SATB2: variants seen among roughly 807,000 people sequenced by gnomAD.
SATB2 encodes the protein SATB homeobox 2, also known as DNA-binding protein SATB2.
A neutral mutation model predicts 73.4 loss-of-function variants in SATB2; 1 was observed. The ratio of observed to expected loss-of-function variants is 0.01; its 90% CI spans 0.00 to 0.06. The LOEUF is 0.06. Among genes scored for constraint, SATB2 ranks in the 10% least tolerant of loss-of-function variants. The probability of loss-of-function intolerance (pLI) is 1.00; values close to 1 mark genes in which losing one functional copy is unlikely to be tolerated. For synonymous variants in SATB2, 397 were observed against 367.0 expected (o/e 1.08, Z -0.93); for missense variants, 459 against 945.8 (o/e 0.49, Z 6.75).
chr2:199,294,536 C>A (rs1466303304), intron 10 of SATB2, among the ~76,000 whole-genome samples: 1 of 152,150 alleles, frequency 6.6e-6, no homozygotes, highest in Non-Finnish European at 1.5e-5. Context: ...GCCCCTGTCT[C>A]CTTGGGAGGC....
intron 7 of SATB2, among the ~76,000 whole-genome samples, chr2:199,339,316 C>T (rs1045309090): frequency 2.0e-5 from 3 of 152,156 alleles, no homozygotes; most frequent in Non-Finnish European, 1.5e-5. Flanking sequence ...TGAGACACTG[C>T]TATCCTGGGA....
At chr2:199,323,580 AT>A (rs1488647525) in intron 9 of SATB2, among the ~76,000 whole-genome samples, 1 of 151,752 alleles carries the variant, frequency 6.6e-6, no homozygotes, top group Non-Finnish European at 1.5e-5. Flanking sequence ...TTCGAGGCTA[AT>A]TTTTTTTAAT....
chr2:199,381,839 C>T lies in SATB2; in HGVS notation c.347-19G>A. Reference sequence around the variant, plus strand: ...ATTATTCCTGCACAGGGAAGAAAAACATAATAAACACATATCTGCTATTTA... The same window carrying T: ...ATTATTCCTGCACAGGGAAGAAAAATATAATAAACACATATCTGCTATTTA... On this transcript the variant is annotated intron_variant, in intron 3 of 10. Coordinates refer to ENST00000417098, the MANE Select transcript of SATB2 (RefSeq NM_001172509.2). 1 of 1,613,556 alleles carries T rather than the reference C, an allele frequency of 6.2e-7. No homozygotes were observed. The highest frequency in any genetic ancestry group is 1.3e-5 in the African/African-American group (1 of 75,020).
intron 3 of SATB2, among the ~76,000 whole-genome samples, chr2:199,388,172 T>C (rs1263357144): frequency 6.6e-6 from 1 of 152,190 alleles, no homozygotes; most frequent in Non-Finnish European, 1.5e-5. Flanking sequence ...AATGAGCCAT[T>C]AGAAGTGTTT....
chr2:199,327,599 T>C (rs916883251), intron 8 of SATB2, among the ~76,000 whole-genome samples: 49 of 152,058 alleles, frequency 3.2e-4, no homozygotes, highest in Non-Finnish European at 2.9e-4. Context: ...AGGCCAGAAA[T>C]GAGTGGGCTT....
Position 199,338,577 on chromosome 2 carries a change from A to G in SATB2, c.1174-9667T>C, listed in dbSNP as rs960287582. On this transcript the variant is annotated intron_variant, in intron 7 of 10. Transcript: ENST00000417098. ...AGAGAAGCCTGAATTTTCTATAATG[A>G]GTCTGGCAACTAATTTTTAAGAACT... Among the ~76,000 whole-genome samples, 3 of 152,062 alleles carry G rather than the reference A, an allele frequency of 2.0e-5. No individual in the cohort carries two copies. The East Asian group carries it at 5.8e-4, about 29-fold the overall frequency.
intron 6 of SATB2, among the ~76,000 whole-genome samples, chr2:199,359,455 A>G (rs1689075579): frequency 6.6e-6 from 1 of 152,202 alleles, no homozygotes; most frequent in Admixed American, 6.5e-5. Context: ...ACATTTGCTA[A>G]GGACATTTGC....
Position 199,323,963 on chromosome 2 carries a change from C to G in SATB2, c.1387-5G>C. On this transcript the variant is annotated splice_region_variant and splice_polypyrimidine_tract_variant and intron_variant, in intron 8 of 10. Transcript: ENST00000417098. ...TGTCGGTGTCGAGGTTTTGGCCTACCAAGAGACCATGAAAATAATAATTTA... is the reference window on the plus strand; with the variant it reads ...TGTCGGTGTCGAGGTTTTGGCCTACGAAGAGACCATGAAAATAATAATTTA... 1 of 1,613,148 alleles carries G rather than the reference C, an allele frequency of 6.2e-7. No homozygotes were observed. The highest frequency in any genetic ancestry group is 8.5e-7 in the Non-Finnish European group (1 of 1,179,400).
chr2:199,465,938 C>T (rs1463415960), upstream of SATB2, among the ~76,000 whole-genome samples: 2 of 152,170 alleles, frequency 1.3e-5, no homozygotes, highest in Admixed American at 6.5e-5. Flanking sequence ...AGGGAAAAGT[C>T]GGCTCCAGAA....
At chr2:199,359,723 A>G (rs1689084392) in intron 6 of SATB2, among the ~76,000 whole-genome samples, 1 of 152,054 alleles carries the variant, frequency 6.6e-6, no homozygotes, top group African/African-American at 2.4e-5. Context: ...CAAAACCTCT[A>G]CCTCTGAAGT....
At chr2:199,338,933 A>G (rs1867871) in intron 7 of SATB2, among the ~76,000 whole-genome samples, 11,847 of 149,948 alleles carry the variant, frequency 0.079, 545 homozygotes, top group East Asian at 0.15. Context: ...AAAAAAAAAA[A>G]AAAGAAAGAA....
intron 7 of SATB2, among the ~76,000 whole-genome samples, chr2:199,330,717 T>C (rs1160952210): frequency 6.6e-6 from 1 of 152,220 alleles, no homozygotes; most frequent in African/African-American, 2.4e-5. Context: ...GAAATATTCA[T>C]AATGAATTTG....
intron 3 of SATB2, among the ~76,000 whole-genome samples, chr2:199,384,901 T>C (rs1574572444): frequency 6.6e-6 from 1 of 152,242 alleles, no homozygotes; most frequent in Admixed American, 6.5e-5. Flanking sequence ...AAAGAGAAGA[T>C]ATAGTCAGTT....
intron 4 of SATB2, 133 bp from the exon 5 acceptor site, chr2:199,380,620 G>T: frequency 8.9e-7 from 1 of 1,121,794 alleles, no homozygotes; most frequent in Non-Finnish European, 1.3e-6. Context: ...GGGTCTAAGT[G>T]AAGGAAGGGA....
chr2:199,453,823 T>A (rs998303442), intron 2 of SATB2, among the ~76,000 whole-genome samples: 5 of 152,132 alleles, frequency 3.3e-5, no homozygotes, highest in South Asian at 2.1e-4. Context: ...CTGTCTTTTT[T>A]AAAAAAATTT....
intron 2 of SATB2, among the ~76,000 whole-genome samples, chr2:199,454,269 T>C (rs946831443): frequency 6.6e-6 from 1 of 152,122 alleles, no homozygotes; most frequent in Non-Finnish European, 1.5e-5. Flanking sequence ...TATTAGATCT[T>C]CAGAAAGATA....
chr2:199,342,608 C>T (rs1688539091), intron 7 of SATB2, among the ~76,000 whole-genome samples: 1 of 152,116 alleles, frequency 6.6e-6, no homozygotes, highest in Non-Finnish European at 1.5e-5. Context: ...CTCTAATGTG[C>T]TGTATCCCTA....
intron 10 of SATB2, among the ~76,000 whole-genome samples, chr2:199,286,849 T>C (rs1393691164): frequency 2.0e-5 from 3 of 152,196 alleles, no homozygotes; most frequent in East Asian, 1.9e-4. Flanking sequence ...TTCTGATTTT[T>C]AAATAAATGT....
chr2:199,282,523 TACTC>T (rs1301910710), intron 10 of SATB2, among the ~76,000 whole-genome samples: 4 of 152,180 alleles, frequency 2.6e-5, no homozygotes, highest in Non-Finnish European at 5.9e-5. Context: ...GCACGTTACT[TACTC>T]TCTCTGAGCC....
Sources: allele counts gnomAD v4.1 joint callset (sites outside exome capture counted in the v4.1 genomes callset), GRCh38; gene constraint gnomAD v4.1.1; transcripts MANE v1.5; gene names NCBI Gene and HGNC (gene_info 2026-07-23, HGNC 2026-07-21).